PLXNA4: variants seen among roughly 807,000 people sequenced by gnomAD.
The protein encoded by PLXNA4 is plexin-A4.
Under a neutral mutation model 191.8 loss-of-function variants are expected in PLXNA4, and 44 were observed. The ratio of observed to expected loss-of-function variants is 0.23; its 90% CI spans 0.18 to 0.29. The LOEUF (loss-of-function observed/expected upper bound fraction) is 0.29, where lower values mean the gene tolerates loss of function less well. PLXNA4 is among the 10% of genes least tolerant of loss of function. The probability of loss-of-function intolerance (pLI) is 1.00; values close to 1 mark genes in which losing one functional copy is unlikely to be tolerated. For synonymous variants in PLXNA4, 1,082 were observed against 1,009.5 expected (o/e 1.07, Z -1.36); for missense variants, 1,800 against 2,488.8 (o/e 0.72, Z 5.89).
intron 2 of PLXNA4, among the ~76,000 whole-genome samples, chr7:132,490,541 T>C (rs1376400303): frequency 6.9e-6 from 1 of 145,948 alleles, no homozygotes; most frequent in Non-Finnish European, 1.5e-5. Context: ...TCCTCCAACC[T>C]CAGCCTCCCA....
intron 3 of PLXNA4, among the ~76,000 whole-genome samples, chr7:132,354,315 A>G (rs1364187040): frequency 6.6e-6 from 1 of 152,152 alleles, no homozygotes; most frequent in Admixed American, 6.6e-5. Flanking sequence ...TTTAGCCAGG[A>G]GGAGTTTTTA....
intron 2 of PLXNA4, among the ~76,000 whole-genome samples, chr7:132,624,788 G>T (rs908606871): frequency 6.6e-6 from 1 of 152,066 alleles, no homozygotes; most frequent in Non-Finnish European, 1.5e-5. Flanking sequence ...CCCACCACCT[G>T]CCACGACCTT....
intron 3 of PLXNA4, among the ~76,000 whole-genome samples, chr7:132,418,773 C>T (rs1203301086): frequency 2.0e-5 from 3 of 152,128 alleles, no homozygotes; most frequent in Admixed American, 2.0e-4. Flanking sequence ...GGAAGAAGAA[C>T]AAAGAGTAAG....
chr7:132,453,709 T>C (rs1246745107), intron 3 of PLXNA4, among the ~76,000 whole-genome samples: 3 of 152,092 alleles, frequency 2.0e-5, no homozygotes, highest in African/African-American at 7.2e-5. Flanking sequence ...GCCCAGCTAA[T>C]TTTTGTATTT....
chr7:132,179,931 C>T lies in PLXNA4; in HGVS notation c.3640-10G>A. Reference sequence around the variant, plus strand: ...TGCCACCGACACGGGCCTGGGGGCACACAGGGCAAGAGGGAGCTGGGTGTG... The same window carrying T: ...TGCCACCGACACGGGCCTGGGGGCATACAGGGCAAGAGGGAGCTGGGTGTG... On this transcript the variant is annotated splice_polypyrimidine_tract_variant and intron_variant, in intron 19 of 31. Coordinates refer to ENST00000321063, the MANE Select transcript of PLXNA4 (RefSeq NM_020911.2). The T allele has an allele frequency of 6.2e-7, 1 of 1,600,480 alleles. No homozygotes were observed. The highest frequency in any genetic ancestry group is 8.5e-7 in the Non-Finnish European group (1 of 1,172,536).
At chr7:132,157,890 C>G (rs1795841736) in intron 25 of PLXNA4, among the ~76,000 whole-genome samples, 1 of 152,222 alleles carries the variant, frequency 6.6e-6, no homozygotes, top group Non-Finnish European at 1.5e-5. Flanking sequence ...TGGGCCGTAA[C>G]AGTTTCCTCA....
intron 3 of PLXNA4, among the ~76,000 whole-genome samples, chr7:132,325,132 GA>G (rs1236735135): frequency 6.6e-6 from 1 of 152,160 alleles, no homozygotes; most frequent in Admixed American, 6.5e-5. Context: ...GCTTAGTTCA[GA>G]AAAAGAAAGA....
chr7:132,142,181 C>A (rs1248277988), intron 29 of PLXNA4, among the ~76,000 whole-genome samples: 2 of 152,172 alleles, frequency 1.3e-5, no homozygotes, highest in Non-Finnish European at 2.9e-5. Context: ...AATCCTGGGA[C>A]CTTCTGCCCC....
At chr7:132,458,830 C>T (rs1796398834) in intron 3 of PLXNA4, among the ~76,000 whole-genome samples, 1 of 152,124 alleles carries the variant, frequency 6.6e-6, no homozygotes, top group South Asian at 2.1e-4. Context: ...CCAAGAAACC[C>T]CAGTTTGGAA....
intron 2 of PLXNA4, among the ~76,000 whole-genome samples, chr7:132,625,556 A>T (rs1331875495): frequency 6.6e-6 from 1 of 152,176 alleles, no homozygotes; most frequent in Non-Finnish European, 1.5e-5. Flanking sequence ...AGCAGGTCTG[A>T]GAGGCAGGGT....
intron 25 of PLXNA4, among the ~76,000 whole-genome samples, chr7:132,157,144 G>T (rs1303762432): frequency 6.6e-6 from 1 of 152,216 alleles, no homozygotes; most frequent in Non-Finnish European, 1.5e-5. Context: ...CTCTCTGTTT[G>T]TTTGGGTGCC....
At chr7:132,203,650 G>A (rs151127990) in intron 10 of PLXNA4, among the ~76,000 whole-genome samples, 1 of 152,356 alleles carries the variant, frequency 6.6e-6, no homozygotes, top group East Asian at 1.9e-4. Flanking sequence ...GGGTGGGCCA[G>A]GCCTCCAAGC....
At chr7:132,369,425 G>A (rs980259067) in intron 3 of PLXNA4, among the ~76,000 whole-genome samples, 2 of 152,192 alleles carry the variant, frequency 1.3e-5, no homozygotes, top group Non-Finnish European at 1.5e-5. Flanking sequence ...AGTGCTGGTC[G>A]ATGGCCCCTG....
intron 2 of PLXNA4, among the ~76,000 whole-genome samples, chr7:132,643,550 G>C (rs1429005458): frequency 6.6e-6 from 1 of 152,048 alleles, no homozygotes; most frequent in Non-Finnish European, 1.5e-5. Context: ...TGCTCTTTGT[G>C]GTTAAAATGA....
At chr7:132,428,312 G>A (rs565865536) in intron 3 of PLXNA4, among the ~76,000 whole-genome samples, 1 of 152,326 alleles carries the variant, frequency 6.6e-6, no homozygotes, top group East Asian at 1.9e-4. Flanking sequence ...AAATCAGTGG[G>A]AAGTCCCTAT....
In PLXNA4 at chr7:132,194,139, C is replaced by T. The variant is rs776813941; in HGVS notation, c.2779G>A (p.Ala927Thr). 3 of 1,613,974 alleles carry T rather than the reference C, an allele frequency of 1.9e-6. No homozygotes were observed. The highest frequency in any genetic ancestry group is 1.7e-6 in the Non-Finnish European group (2 of 1,179,870). The stretch of plus-strand genomic sequence containing the variant: ...GCCACGCAGATCTCCACGAAGCCTG[C>T]ATGCTGGCTGGGCTTGGCCTCCCCC... Reference protein sequence around the residue: ...EMGEAKPSQHAGFVEICVAVC... With the variant: ...EMGEAKPSQHTGFVEICVAVC... The change falls in exon 14 of 32, where the codon GCA becomes ACA. Residue 927 changes from alanine (A) to threonine (T), a missense_variant. This residue lies in a region of PLXNA4 where 1,397 missense variants were observed against 1,880.4 expected (regional missense o/e 0.74). Transcript: ENST00000321063.
At chr7:132,548,285 C>G (rs979415954) in intron 1 of PLXNA4, among the ~76,000 whole-genome samples, 11 of 152,104 alleles carry the variant, frequency 7.2e-5, no homozygotes, top group African/African-American at 2.7e-4. Flanking sequence ...GAGTTTAATT[C>G]TAATTGTGAG....
intron 1 of PLXNA4, among the ~76,000 whole-genome samples, chr7:132,561,926 A>C (rs1021974812): frequency 0.077 from 2,225 of 28,990 alleles, no homozygotes; most frequent in African/African-American, 0.088. Context: ...CCTCCTCCTC[A>C]TCCTCCTCCT....
chr7:132,151,776 A>G (rs1398280571), intron 25 of PLXNA4, among the ~76,000 whole-genome samples: 1 of 152,196 alleles, frequency 6.6e-6, no homozygotes, highest in Non-Finnish European at 1.5e-5. Flanking sequence ...TCAGGAAAGA[A>G]GCAAGGATCA....
Sources: allele counts gnomAD v4.1 joint callset (sites outside exome capture counted in the v4.1 genomes callset), GRCh38; gene constraint gnomAD v4.1.1; regional missense constraint gnomAD v4.1.1; transcripts MANE v1.5; gene names NCBI Gene and HGNC (gene_info 2026-07-23, HGNC 2026-07-21).